Variants in RHBDD1 observed in about 807,000 individuals in gnomAD.
The protein encoded by RHBDD1 is rhomboid domain containing 1, also known as rhomboid-related protein 4.
A neutral mutation model predicts 36.3 loss-of-function variants in RHBDD1; 38 were observed. That is an observed-to-expected ratio of 1.05 (90% CI 0.81 to 1.37). RHBDD1 has a LOEUF of 1.37. Among genes scored for constraint, RHBDD1 ranks in the 40% most tolerant of loss-of-function variants. The pLI, the probability that RHBDD1 is intolerant of heterozygous loss-of-function variation, is 0.00. For synonymous variants in RHBDD1, 151 were observed against 136.5 expected (o/e 1.11, Z -0.74); for missense variants, 393 against 377.6 (o/e 1.04, Z -0.34).
rs6436637 is a variant in RHBDD1, at chr2:226,902,443, C to G, written c.567-4350C>G. On this transcript the variant is annotated intron_variant, in intron 5 of 8. Coordinates refer to ENST00000392062, the MANE Select transcript of RHBDD1 (RefSeq NM_001167608.3). ...CCACCTTCCCAGTTCAGTTTTCTCC[C>G]TGTCTGCAGGTCCATCTATCTTCTC... 7.9e-3 allele frequency among the ~76,000 whole-genome samples: 1,196 copies of G among 152,282 alleles called. 6 individuals are homozygous for G. Among genetic ancestry groups the G allele is most frequent in the Non-Finnish European group, 0.012 (848 of 68,020 alleles).
chr2:226,850,709 T>C (rs1381392708), intron 3 of RHBDD1, among the ~76,000 whole-genome samples: 1 of 152,216 alleles, frequency 6.6e-6, no homozygotes, highest in Admixed American at 6.5e-5. Flanking sequence ...TTTAAGAGGC[T>C]CTGTGCACAT....
rs191682051 is a variant in RHBDD1, at chr2:226,969,639, G to A, written c.857-25792G>A. ...GTTTGACAGACTTCTTTCCTTTTCAGAACTGTGTCCTACAAACCAAACAAA... is the reference window on the plus strand; with the variant it reads ...GTTTGACAGACTTCTTTCCTTTTCAAAACTGTGTCCTACAAACCAAACAAA... On this transcript the variant is annotated intron_variant, in intron 8 of 8. Transcript: ENST00000392062. 5.3e-5 allele frequency among the ~76,000 whole-genome samples: 8 copies of A among 152,158 alleles called. No homozygotes were observed. The East Asian group carries it at 1.2e-3, about 22-fold the overall frequency.
At chr2:226,814,454 A>C in the RHBDD1 span, among the ~76,000 whole-genome samples, 1 of 152,310 alleles carries the variant, frequency 6.6e-6, no homozygotes. Context: ...TTAGCTTGTC[A>C]GTAATGAGGA....
chr2:226,829,749 GTGTA>G, the RHBDD1 span, among the ~76,000 whole-genome samples: 97 of 151,654 alleles, frequency 6.4e-4, no homozygotes, highest in African/African-American at 1.9e-3. Flanking sequence ...CTGTGTGCGT[GTGTA>G]TGTATGTGTG....
At chr2:226,948,449 G>A (rs1201226107) in intron 8 of RHBDD1, among the ~76,000 whole-genome samples, 3 of 149,122 alleles carry the variant, frequency 2.0e-5, no homozygotes, top group African/African-American at 5.0e-5. Flanking sequence ...GATAGCATTG[G>A]GAGACATACC....
At chr2:226,818,040 T>C in the RHBDD1 span, among the ~76,000 whole-genome samples, 1 of 152,290 alleles carries the variant, frequency 6.6e-6, no homozygotes, top group African/African-American at 2.4e-5. Context: ...GATATGATAA[T>C]TTGGAGGGCA....
At chr2:226,938,282 GGTT>G (rs1950465168) in intron 8 of RHBDD1, among the ~76,000 whole-genome samples, 1 of 151,656 alleles carries the variant, frequency 6.6e-6, no homozygotes, top group Non-Finnish European at 1.5e-5. Flanking sequence ...TTTTTAATGG[GGTT>G]GTTTTTTTCT....
intron 5 of RHBDD1, among the ~76,000 whole-genome samples, chr2:226,898,998 T>A (rs1947363102): frequency 6.6e-6 from 1 of 152,256 alleles, no homozygotes; most frequent in African/African-American, 2.4e-5. Flanking sequence ...CATTTTCTGC[T>A]TTCTGAGCTA....
At chr2:226,852,980 G>C (rs988092713) in intron 3 of RHBDD1, among the ~76,000 whole-genome samples, 3 of 149,602 alleles carry the variant, frequency 2.0e-5, no homozygotes, top group Non-Finnish European at 4.4e-5. Context: ...TGTTTTCCAG[G>C]CTGGTCTTGA....
the RHBDD1 span, among the ~76,000 whole-genome samples, chr2:226,819,402 G>A: frequency 6.6e-6 from 1 of 152,114 alleles, no homozygotes; most frequent in Non-Finnish European, 1.5e-5. Flanking sequence ...CTGCTTAAGA[G>A]GCTGTTGTTT....
intron 5 of RHBDD1, among the ~76,000 whole-genome samples, chr2:226,900,116 C>G (rs962407284): frequency 6.6e-6 from 1 of 152,180 alleles, no homozygotes; most frequent in African/African-American, 2.4e-5. Flanking sequence ...CCTAAAATTA[C>G]AGGTAACGCA....
intron 5 of RHBDD1, among the ~76,000 whole-genome samples, chr2:226,905,234 G>C (rs974838001): frequency 2.0e-5 from 3 of 151,824 alleles, no homozygotes; most frequent in African/African-American, 7.3e-5. Context: ...GGGAGTTTGT[G>C]TGTGACAGAG....
intron 5 of RHBDD1, among the ~76,000 whole-genome samples, chr2:226,874,044 T>C (rs528978093): frequency 6.6e-6 from 1 of 152,110 alleles, no homozygotes; most frequent in South Asian, 2.1e-4. Context: ...ACAGGGGAAG[T>C]ACCAGACACT....
Position 226,855,463 on chromosome 2 carries a change from C to T in RHBDD1, c.-90-9141C>T, listed in dbSNP as rs554701817. ...AGGCTGCTGTGAGCTATGATTGTAC[C>T]ACTGCACTCCAGCCTGGCAGCAGAA... On this transcript the variant is annotated intron_variant, in intron 3 of 8. Coordinates refer to ENST00000392062, the MANE Select transcript of RHBDD1 (RefSeq NM_001167608.3). Among the ~76,000 whole-genome samples, 25 of 152,298 alleles carry T rather than the reference C, an allele frequency of 1.6e-4. 1 individual carries two copies. In the South Asian group the frequency reaches 5.2e-3, roughly 32 times the overall value.
chr2:226,965,567 T>C (rs187807207), intron 8 of RHBDD1, among the ~76,000 whole-genome samples: 14 of 152,050 alleles, frequency 9.2e-5, no homozygotes, highest in East Asian at 1.9e-4. Context: ...TGCAGTAAAA[T>C]GAAAGGATTT....
chr2:226,882,112 G>GA (rs1255088434), intron 5 of RHBDD1, among the ~76,000 whole-genome samples: 1 of 152,178 alleles, frequency 6.6e-6, no homozygotes, highest in Non-Finnish European at 1.5e-5. Context: ...GCTAAGAACA[G>GA]AAAGTGTTTT....
chr2:226,977,600 G>A (rs1481838975), intron 8 of RHBDD1, among the ~76,000 whole-genome samples: 1 of 152,176 alleles, frequency 6.6e-6, no homozygotes, highest in African/African-American at 2.4e-5. Flanking sequence ...AGCATAATTA[G>A]CAGGATCAAA....
the RHBDD1 span, among the ~76,000 whole-genome samples, chr2:226,822,562 G>A: frequency 6.6e-6 from 1 of 151,352 alleles, no homozygotes; most frequent in South Asian, 2.1e-4. Context: ...TTGAACTGGT[G>A]GGCTGAGGTC....
chr2:226,912,898 GAC>G (rs1224110365), intron 7 of RHBDD1, among the ~76,000 whole-genome samples: 3 of 152,120 alleles, frequency 2.0e-5, no homozygotes, highest in Non-Finnish European at 4.4e-5. Flanking sequence ...AATATCAATA[GAC>G]ACAACTACTT....
Sources: allele counts gnomAD v4.1 joint callset (sites outside exome capture counted in the v4.1 genomes callset), GRCh38; gene constraint gnomAD v4.1.1; transcripts MANE v1.5; gene names NCBI Gene and HGNC (gene_info 2026-07-23, HGNC 2026-07-21).